Variants in C1GALT1 observed in about 807,000 individuals in gnomAD.
C1GALT1 encodes the protein glycoprotein-N-acetylgalactosamine 3-beta-galactosyltransferase 1.
A neutral mutation model predicts 31.0 loss-of-function variants in C1GALT1; 11 were observed. The observed-to-expected ratio is 0.36, with a 90% CI of 0.22 to 0.59. The LOEUF (loss-of-function observed/expected upper bound fraction) is 0.59. C1GALT1 is among the 20% of genes least tolerant of loss of function. The pLI is 0.79. For synonymous variants in C1GALT1, 175 were observed against 143.6 expected, an observed-to-expected ratio of 1.22 and a Z score of -1.56; for missense variants, 424 against 425.2, an observed-to-expected ratio of 1.00 and a Z score of 0.03.
At chr7:7,204,633 G>A (rs1196702024) in intron 1 of C1GALT1, among the ~76,000 whole-genome samples, 1 of 151,948 alleles carries the variant, frequency 6.6e-6, no homozygotes, top group Non-Finnish European at 1.5e-5. Context: ...GGTTTTTAAA[G>A]TTGTAAAAAT....
At position 7,212,985 on chromosome 7, in the gene C1GALT1, T is replaced by C. The variant is rs1161642395; in HGVS notation, c.-17-21318T>C. On this transcript the variant is annotated intron_variant, in intron 1 of 3. Coordinates refer to ENST00000436587, the MANE Select transcript of C1GALT1 (RefSeq NM_020156.5). ...TACTCAATTATTAAAAGGTCATAAA[T>C]AGTTTAGAATAAGTTTCCTTGACTC... Among the ~76,000 whole-genome samples, 3 of 152,188 alleles carry C rather than the reference T, an allele frequency of 2.0e-5. No individual in the cohort carries two copies. The East Asian group carries it at 5.8e-4, about 29-fold the overall frequency.
intron 1 of C1GALT1, among the ~76,000 whole-genome samples, chr7:7,193,049 G>A (rs1781141744): frequency 1.3e-5 from 2 of 152,098 alleles, no homozygotes; most frequent in South Asian, 4.2e-4. Flanking sequence ...GTAGATTCTG[G>A]ATATTAGACC....
At chr7:7,209,198 T>C (rs368383730) in intron 1 of C1GALT1, among the ~76,000 whole-genome samples, 3 of 152,260 alleles carry the variant, frequency 2.0e-5, no homozygotes, top group African/African-American at 4.8e-5. Flanking sequence ...TTGTTACTTA[T>C]AGCTTTTTTG....
At chr7:7,242,237 T>A (rs12535339) in intron 3 of C1GALT1, among the ~76,000 whole-genome samples, 44,689 of 149,246 alleles carry the variant, frequency 0.3, 7,444 homozygotes, top group East Asian at 0.71. Context: ...TTACATTTTT[T>A]ATGTGGCTAC....
intron 3 of C1GALT1, among the ~76,000 whole-genome samples, chr7:7,243,136 T>C (rs1409469625): frequency 6.6e-6 from 1 of 152,090 alleles, no homozygotes; most frequent in Admixed American, 6.5e-5. Context: ...TTTCCGAGTA[T>C]GAGCCACACA....
chr7:7,226,607 C>G (rs544659554), intron 1 of C1GALT1, among the ~76,000 whole-genome samples: 1 of 152,026 alleles, frequency 6.6e-6, no homozygotes, highest in Admixed American at 6.6e-5. Context: ...TTACAAAGTT[C>G]TTAGGGAGAA....
rs1308139852 is a variant in C1GALT1, at chr7:7,244,538, A to G, written c.*811A>G. 2.6e-5 allele frequency: 4 copies of G among 152,108 alleles called. No individual in the cohort carries two copies. The highest frequency in any genetic ancestry group is 9.7e-5 in the African/African-American group (4 of 41,416). 9.4% of individuals were successfully genotyped at this position (152,108 alleles called of 1,614,324 possible). A position where few individuals can be genotyped will look rare whatever the true frequency, so the allele number is the denominator to read the frequency against. ...TACATATTTGTTCCCAAATTTGCCCATTGTTCATTATGGGTAACTAATAAT... is the reference window on the plus strand; with the variant it reads ...TACATATTTGTTCCCAAATTTGCCCGTTGTTCATTATGGGTAACTAATAAT... On this transcript the variant is annotated 3_prime_UTR_variant, in exon 4 of 4. Coordinates refer to ENST00000436587, the MANE Select transcript of C1GALT1 (RefSeq NM_020156.5).
chr7:7,219,269 A>T (rs1159318453), intron 1 of C1GALT1, among the ~76,000 whole-genome samples: 1 of 152,232 alleles, frequency 6.6e-6, no homozygotes, highest in Non-Finnish European at 1.5e-5. Flanking sequence ...AATGACAGAT[A>T]TGTATCATTG....
intron 2 of C1GALT1, among the ~76,000 whole-genome samples, chr7:7,165,930 AAC>A (rs1413906930): frequency 6.6e-6 from 1 of 152,194 alleles, no homozygotes. Flanking sequence ...GTGCATATGA[AAC>A]ATACATTTCA....
Position 7,247,465 on chromosome 7 carries a change from TA to T in C1GALT1, c.*3741del, listed in dbSNP as rs1168767305. 1 of 152,134 alleles carries T rather than the reference TA, an allele frequency of 6.6e-6. No homozygotes were observed. The highest frequency in any genetic ancestry group is 6.5e-5 in the Admixed American group (1 of 15,272). 9.4% of individuals were successfully genotyped at this position (152,134 alleles called of 1,614,324 possible). A position where few individuals can be genotyped will look rare whatever the true frequency, so the allele number is the denominator to read the frequency against. ...TTCTTACTGTAATGAGGTATGAAAA[TA>T]AATCATTGATCAGCTCTTAATATTT... is the stretch of plus-strand genomic sequence containing the variant. On this transcript the variant is annotated 3_prime_UTR_variant, in exon 4 of 4. Coordinates refer to ENST00000436587, the MANE Select transcript of C1GALT1 (RefSeq NM_020156.5).
chr7:7,203,468 T>C (rs1781605490), intron 1 of C1GALT1, among the ~76,000 whole-genome samples: 1 of 152,160 alleles, frequency 6.6e-6, no homozygotes, highest in African/African-American at 2.4e-5. Flanking sequence ...TTTTTTTTCC[T>C]CCTTAATTCT....
chr7:7,211,664 G>A (rs1436044938), intron 1 of C1GALT1, among the ~76,000 whole-genome samples: 1 of 152,136 alleles, frequency 6.6e-6, no homozygotes, highest in African/African-American at 2.4e-5. Context: ...TTTCCCTTTG[G>A]TGGTCTATGA....
rs901179624 is a variant in C1GALT1, at chr7:7,245,236, C to T, written c.*1509C>T. 11 of 152,174 alleles carry T rather than the reference C, an allele frequency of 7.2e-5. No homozygotes were observed. The highest frequency in any genetic ancestry group is 2.4e-4 in the African/African-American group (10 of 41,466). The allele number at this position is 152,174 out of a possible 1,614,324, so 9.4% of individuals were successfully genotyped here. A position where few individuals can be genotyped will look rare whatever the true frequency, so the allele number is the denominator to read the frequency against. On this transcript the variant is annotated 3_prime_UTR_variant, in exon 4 of 4. Transcript: ENST00000436587. ...TATTTAGCTAAGTAATTTCTTTTTT[C>T]GGAGACTGTCTCACTCTGTCTCCCA...
intron 1 of C1GALT1, among the ~76,000 whole-genome samples, chr7:7,185,346 G>A (rs1780767405): frequency 6.6e-6 from 1 of 152,172 alleles, no homozygotes; most frequent in Non-Finnish European, 1.5e-5. Flanking sequence ...ATACAGCTTG[G>A]CATAGTTATT....
At position 7,248,415 on chromosome 7, in the gene C1GALT1, G is replaced by C. The variant is rs573716966; in HGVS notation, c.*4688G>C. ...GCTAAGCAGTGTGTTGTACTACATA[G>C]TGAATGTTCGTGTTTTGGAATTTAA... On this transcript the variant is annotated 3_prime_UTR_variant, in exon 4 of 4. Coordinates refer to ENST00000436587, the MANE Select transcript of C1GALT1 (RefSeq NM_020156.5). The C allele has an allele frequency of 6.6e-6, 1 of 152,084 alleles. No homozygotes were observed. The highest frequency in any genetic ancestry group is 6.5e-5 in the Admixed American group (1 of 15,282). 9.4% of individuals were successfully genotyped at this position (152,084 alleles called of 1,614,324 possible).
chr7:7,238,337 GA>G lies in C1GALT1; in HGVS notation c.308del (p.Lys103ArgfsTer19). 1 of 1,614,056 alleles carries G rather than the reference GA, an allele frequency of 6.2e-7. No individual in the cohort carries two copies. The highest frequency in any genetic ancestry group is 1.1e-5 in the South Asian group (1 of 91,064). On this transcript the variant is annotated frameshift_variant, in exon 3 of 4. Transcript: ENST00000436587. LOFTEE classifies it high-confidence loss of function. This position sits in a 1 kb window ranked among gnomAD's most constrained non-coding sequence, Gnocchi z 5.2. ...TTATGACCGGCCCTCAAAACCTAGA[GA>G]AAAAGGCCAAACACGTCAAAGCTAC... ...WVMTGPQNLE[K>X]KAKHVKATWA...
upstream of C1GALT1, among the ~76,000 whole-genome samples, chr7:7,181,558 T>G (rs2128228319): frequency 6.6e-6 from 1 of 152,336 alleles, no homozygotes; most frequent in African/African-American, 2.4e-5. Flanking sequence ...ACACTACAGC[T>G]GAACCTAAGC....
At chr7:7,180,242 G>A (rs550297993), upstream of C1GALT1, among the ~76,000 whole-genome samples, 29 of 152,312 alleles carry the variant, frequency 1.9e-4, no homozygotes, top group South Asian at 6.0e-3. Context: ...CACATATAAA[G>A]TATATTTTTC....
intron 1 of C1GALT1, among the ~76,000 whole-genome samples, chr7:7,200,235 G>C (rs1037667340): frequency 3.9e-5 from 6 of 152,158 alleles, no homozygotes; most frequent in Non-Finnish European, 7.3e-5. Context: ...AGGCAGGCCT[G>C]GTGGTGACAA....
Sources: gnomAD v4.1 joint callset for allele counts (sites outside exome capture counted in the v4.1 genomes callset) on GRCh38, gnomAD v4.1.1 for gene constraint, Gnocchi (gnomAD v3.1) non-coding constraint, MANE v1.5 for transcripts, NCBI Gene and HGNC (gene_info 2026-07-23, HGNC 2026-07-21) for gene names.